Variants in PCDHGA1 observed in about 807,000 individuals in gnomAD.
PCDHGA1 encodes the protein protocadherin gamma subfamily A, 1.
PCDHGA1 carries 32 observed loss-of-function variants against 58.0 expected under a neutral mutation model. That is an observed-to-expected ratio of 0.55 (90% confidence interval 0.42 to 0.74). The LOEUF (loss-of-function observed/expected upper bound fraction) is 0.74, where lower values mean the gene tolerates loss of function less well. PCDHGA1 is among the 30% of genes least tolerant of loss of function. PCDHGA1 has a pLI of 0.00. For synonymous variants in PCDHGA1, 498 were observed against 501.1 expected (o/e 0.99, Z 0.08); for missense variants, 1,205 against 1,182.3 (o/e 1.02, Z -0.28).
intron 1 of PCDHGA1, among the ~76,000 whole-genome samples, chr5:141,447,805 G>A (rs1389870133): frequency 2.0e-5 from 3 of 152,064 alleles, no homozygotes; most frequent in Admixed American, 2.0e-4. Context: ...AATAAAATTG[G>A]CTGGGCGTGG....
Position 141,410,164 on chromosome 5 carries a change from C to T in PCDHGA1, c.2421+77059C>T, listed in dbSNP as rs756470415. The T allele has an allele frequency of 4.4e-5, 71 of 1,613,642 alleles. No homozygotes were observed. The highest frequency in any genetic ancestry group is 5.8e-5 in the Non-Finnish European group (69 of 1,179,812). On this transcript the variant is annotated intron_variant, in intron 1 of 3. Transcript: ENST00000517417. ...TGCGTGACGGTGGACAGCCGCCACTCTCTGCCACCGCCACGCTTCATCTGG... is the reference window on the plus strand; with the variant it reads ...TGCGTGACGGTGGACAGCCGCCACTTTCTGCCACCGCCACGCTTCATCTGG...
chr5:141,482,752 T>C (rs1361016909), intron 1 of PCDHGA1, among the ~76,000 whole-genome samples: 1 of 127,096 alleles, frequency 7.9e-6, no homozygotes, highest in Non-Finnish European at 1.6e-5. Context: ...AGAGGGATTA[T>C]GGTATTTCAT....
intron 1 of PCDHGA1, chr5:141,468,662 C>G (rs1381049343): frequency 6.6e-6 from 1 of 150,534 alleles, no homozygotes; most frequent in East Asian, 2.0e-4. Context: ...GTCAGGAGAT[C>G]AAGACCATCC....
intron 1 of PCDHGA1, among the ~76,000 whole-genome samples, chr5:141,463,479 C>T (rs1162346496): frequency 4.1e-5 from 5 of 120,544 alleles, no homozygotes; most frequent in Non-Finnish European, 8.1e-5. Flanking sequence ...GATGGAGTCT[C>T]GCTCTGTCAC....
intron 1 of PCDHGA1, chr5:141,344,343 G>C (rs1436630815): frequency 1.2e-6 from 2 of 1,613,962 alleles, no homozygotes; most frequent in South Asian, 1.1e-5. Flanking sequence ...GCTGTGTCTG[G>C]TAAAAATTAA....
At chr5:141,492,822 C>T (rs1241767956) in intron 1 of PCDHGA1, among the ~76,000 whole-genome samples, 1 of 152,238 alleles carries the variant, frequency 6.6e-6, no homozygotes, top group Non-Finnish European at 1.5e-5. Context: ...GCACCAGCGG[C>T]CCCTTCCTCC....
Position 141,511,378 on chromosome 5 carries a change from T to C in PCDHGA1, c.*205T>C. 1 of 1,202,114 alleles carries C rather than the reference T, an allele frequency of 8.3e-7. No homozygotes were observed. The highest frequency in any genetic ancestry group is 1.1e-6 in the Non-Finnish European group (1 of 882,194). The allele number at this position is 1,202,114 out of a possible 1,614,324, so 74.5% of individuals were successfully genotyped here. A position where few individuals can be genotyped will look rare whatever the true frequency, so the allele number is the denominator to read the frequency against. On this transcript the variant is annotated 3_prime_UTR_variant, in exon 4 of 4. Coordinates refer to ENST00000517417, the MANE Select transcript of PCDHGA1 (RefSeq NM_018912.3). ...AGGGGGTTGAATATGCAAAAGCAGT[T>C]CCGCTGGGAACCCCCATCCAATCAA...
chr5:141,403,754 G>A (rs2094451238), intron 1 of PCDHGA1: 1 of 1,613,768 alleles, frequency 6.2e-7, no homozygotes, highest in African/African-American at 1.3e-5. Flanking sequence ...AACAGCCAGC[G>A]ACCTGGATGA....
At chr5:141,507,862 G>A (rs17286954) in intron 3 of PCDHGA1, among the ~76,000 whole-genome samples, 4 of 152,076 alleles carry the variant, frequency 2.6e-5, no homozygotes, top group African/African-American at 7.2e-5. Flanking sequence ...TTTCACACCC[G>A]CTTCCTAGCC....
chr5:141,355,345 G>T, intron 1 of PCDHGA1: 1 of 1,614,020 alleles, frequency 6.2e-7, no homozygotes, highest in Non-Finnish European at 8.5e-7. Context: ...GGGCAACATC[G>T]CCAAGGACCT....
chr5:141,485,431 C>G lies in PCDHGA1; in HGVS notation c.2422-9376C>G, dbSNP rs1594481071. ...ATTTGGACAGCGGAGCCCTGCTCAT[C>G]AAGAACCCAATCGACCGAGAGGCAC... On this transcript the variant is annotated intron_variant, in intron 1 of 3. Coordinates refer to ENST00000517417, the MANE Select transcript of PCDHGA1 (RefSeq NM_018912.3). The surrounding 1 kb of genome is among the most constrained non-coding windows in gnomAD (Gnocchi z 5.7). 8.7e-6 allele frequency: 14 copies of G among 1,614,198 alleles called. No homozygotes were observed. Among genetic ancestry groups the G allele is most frequent in the Non-Finnish European group, 1.1e-5 (13 of 1,180,038 alleles).
intron 1 of PCDHGA1, chr5:141,415,157 C>G: frequency 6.2e-7 from 1 of 1,613,864 alleles, no homozygotes. Context: ...CTCTCCGCCA[C>G]TGTCACGCTC....
intron 1 of PCDHGA1, chr5:141,338,793 G>T (rs1756778781): frequency 7.4e-7 from 1 of 1,355,120 alleles, no homozygotes; most frequent in Non-Finnish European, 9.4e-7. Flanking sequence ...GCACAAGGGG[G>T]TGGAGGTTTG....
rs909255357 is a variant in PCDHGA1 at position 141,489,178 on chromosome 5, C to A, written c.2422-5629C>A. 5 of 1,234,744 alleles carry A rather than the reference C, an allele frequency of 4.0e-6. No individual in the cohort carries two copies. The highest frequency in any genetic ancestry group is 2.3e-5 in the Admixed American group (1 of 42,922). The allele number at this position is 1,234,744 out of a possible 1,614,324, so 76.5% of individuals were successfully genotyped here. Reference sequence around the variant, plus strand: ...GAGACTTCAGCTGCTGCATTCCAAGCCCTGGGTCTACCTTGGAGACAGGAC... The same window carrying A: ...GAGACTTCAGCTGCTGCATTCCAAGACCTGGGTCTACCTTGGAGACAGGAC... On this transcript the variant is annotated intron_variant, in intron 1 of 3. Transcript: ENST00000517417. This position sits in a 1 kb window ranked among gnomAD's most constrained non-coding sequence, Gnocchi z 4.5.
At chr5:141,407,117 C>T (rs1412216570) in intron 1 of PCDHGA1, among the ~76,000 whole-genome samples, 1 of 152,098 alleles carries the variant, frequency 6.6e-6, no homozygotes, top group African/African-American at 2.4e-5. Flanking sequence ...ATTTGGGTTT[C>T]AGTTGCTTTA....
intron 1 of PCDHGA1, among the ~76,000 whole-genome samples, chr5:141,451,606 G>C (rs2098720118): frequency 6.6e-6 from 1 of 152,152 alleles, no homozygotes; most frequent in Non-Finnish European, 1.5e-5. Flanking sequence ...ACAAGGCTAG[G>C]CATGGTGGCT....
intron 1 of PCDHGA1, chr5:141,426,745 A>G (rs866203428): frequency 6.2e-5 from 28 of 454,130 alleles, no homozygotes; most frequent in Middle Eastern, 6.5e-4. Context: ...TTTGGCCTGG[A>G]ATCTGCTATA....
Position 141,419,699 on chromosome 5 carries a change from C to G in PCDHGA1, c.2422-75108C>G, listed in dbSNP as rs1488905080. ...CTACCACGTGGTGCAGGCCAGTGAG[C>G]CCGGGCTCTTCAGCCTGGGGCTGCG... On this transcript the variant is annotated intron_variant, in intron 1 of 3. Coordinates refer to ENST00000517417, the MANE Select transcript of PCDHGA1 (RefSeq NM_018912.3). The G allele has an allele frequency of 5.6e-6, 9 of 1,612,806 alleles. No homozygotes were observed. The East Asian group carries it at 1.8e-4, about 32-fold the overall frequency.
chr5:141,336,045 A>G (rs1318866545), intron 1 of PCDHGA1, among the ~76,000 whole-genome samples: 1 of 152,256 alleles, frequency 6.6e-6, no homozygotes, highest in Non-Finnish European at 1.5e-5. Flanking sequence ...TTCAAGAAGT[A>G]AGATAAAAAA....
Sources: allele counts gnomAD v4.1 joint callset (sites outside exome capture counted in the v4.1 genomes callset), GRCh38; gene constraint gnomAD v4.1.1; non-coding constraint Gnocchi (gnomAD v3.1); transcripts MANE v1.5; gene names NCBI Gene and HGNC (gene_info 2026-07-23, HGNC 2026-07-21).